The following CD9 variants were observed in gnomAD, a reference collection of about 807,000 sequenced individuals.
CD9 encodes the protein CD9 antigen.
In CD9, 10 loss-of-function variants were observed where a neutral mutation model predicts 31.4. The observed-to-expected ratio is 0.32, with a 90% CI of 0.20 to 0.54. CD9 has a LOEUF of 0.54. Among genes scored for constraint, CD9 ranks in the 20% least tolerant of loss-of-function variants. The pLI, the probability that CD9 is intolerant of heterozygous loss-of-function variation, is 0.94. For synonymous variants in CD9, 113 were observed against 114.1 expected, an observed-to-expected ratio of 0.99 and a Z score of 0.06; for missense variants, 259 against 300.1, an observed-to-expected ratio of 0.86 and a Z score of 1.01.
At chr12:6,225,572 G>A (rs761057295) in intron 2 of CD9, 38 bp downstream of exon 2, 2 of 1,364,664 alleles carry the variant, frequency 1.5e-6, no homozygotes, top group South Asian at 2.3e-5. Flanking sequence ...TCAGACCCTG[G>A]CTCCAACAAA....
At chr12:6,234,114 TGA>T (rs1946486216) in intron 4 of CD9, among the ~76,000 whole-genome samples, 1 of 151,558 alleles carries the variant, frequency 6.6e-6, no homozygotes. Flanking sequence ...AAACCTTGAA[TGA>T]GAGATGCGTT....
chr12:6,231,166 A>G (rs1416059173), intron 2 of CD9, among the ~76,000 whole-genome samples: 4 of 152,196 alleles, frequency 2.6e-5, no homozygotes, highest in Non-Finnish European at 2.9e-5. Flanking sequence ...GGTCCCAGTG[A>G]AAGGACAGTA....
intron 1 of CD9, chr12:6,200,786 G>A (rs1293874961): frequency 4.5e-6 from 2 of 445,298 alleles, no homozygotes; most frequent in East Asian, 3.8e-5. Flanking sequence ...GCTCATCACC[G>A]CCCAGCCGGC....
intron 1 of CD9, among the ~76,000 whole-genome samples, chr12:6,220,502 T>G (rs544674101): frequency 6.6e-6 from 1 of 152,198 alleles, no homozygotes; most frequent in Non-Finnish European, 1.5e-5. Context: ...GAGAGCACCC[T>G]GAAGGAGCTG....
chr12:6,236,399 T>C, intron 7 of CD9, 124 bp downstream of exon 7: 1 of 800,100 alleles, frequency 1.2e-6, no homozygotes, highest in South Asian at 1.6e-5. Context: ...GTGCCCTTAG[T>C]ATTTCCATTT....
At chr12:6,204,926 T>TC (rs1253333709) in intron 1 of CD9, among the ~76,000 whole-genome samples, 1 of 152,140 alleles carries the variant, frequency 6.6e-6, no homozygotes, top group African/African-American at 2.4e-5. Flanking sequence ...AAACCCTGAC[T>TC]CCATTTCATG....
At chr12:6,236,531 T>G (rs1591983035) in intron 7 of CD9, 1 of 539,664 alleles carries the variant, frequency 1.9e-6, no homozygotes, top group Non-Finnish European at 3.3e-6. Context: ...GCCGTTAAGG[T>G]TCAGGGCACA....
chr12:6,235,139 TAGAG>T (rs954959104), intron 4 of CD9, 86 bp from the exon 5 acceptor site: 3 of 969,464 alleles, frequency 3.1e-6, no homozygotes, highest in Non-Finnish European at 3.2e-6. Flanking sequence ...GCTGAGAGCT[TAGAG>T]AGAACAAGAT....
chr12:6,225,262 GAATC>G (rs1946348429), intron 1 of CD9, 160 bp from the exon 2 acceptor site: 1 of 597,752 alleles, frequency 1.7e-6, no homozygotes, highest in Non-Finnish European at 3.0e-6. Flanking sequence ...GTACCTGCAT[GAATC>G]AAACACACCC....
intron 1 of CD9, among the ~76,000 whole-genome samples, chr12:6,201,317 AGAG>A (rs1416164208): frequency 6.6e-6 from 1 of 152,156 alleles, no homozygotes; most frequent in Non-Finnish European, 1.5e-5. Flanking sequence ...AGAGTTCGGG[AGAG>A]GAGGGGGCAG....
At chr12:6,231,116 G>C (rs112254222) in intron 2 of CD9, among the ~76,000 whole-genome samples, 1 of 152,124 alleles carries the variant, frequency 6.6e-6, no homozygotes, top group East Asian at 1.9e-4. Context: ...TTTCTCTCTC[G>C]CGTGCGTGTT....
intron 1 of CD9, among the ~76,000 whole-genome samples, chr12:6,211,071 T>G (rs1946189291): frequency 1.3e-5 from 2 of 151,974 alleles, no homozygotes; most frequent in Non-Finnish European, 2.9e-5. Context: ...CTCCTGACCT[T>G]GTGATCCTCC....
At position 6,223,564 on chromosome 12, in the gene CD9, C is replaced by G. The variant is rs11568237; in HGVS notation, c.67-1862C>G. 3.0e-3 allele frequency among the ~76,000 whole-genome samples: 461 copies of G among 151,908 alleles called. 2 individuals carry two copies. The highest frequency in any genetic ancestry group is 0.014 in the Middle Eastern group (4 of 294). Reference sequence around the variant, plus strand: ...GCGTGAGCCACTGCACCCAGCCCACCTTTGTACTTTTAATGCTCAGGGACC... The same window carrying G: ...GCGTGAGCCACTGCACCCAGCCCACGTTTGTACTTTTAATGCTCAGGGACC... On this transcript the variant is annotated intron_variant, in intron 1 of 7. Coordinates refer to ENST00000009180, the MANE Select transcript of CD9 (RefSeq NM_001769.4).
At chr12:6,237,434 A>C (rs1218094575) in intron 7 of CD9, among the ~76,000 whole-genome samples, 1 of 152,186 alleles carries the variant, frequency 6.6e-6, no homozygotes, top group Non-Finnish European at 1.5e-5. Flanking sequence ...ACAAATGCAA[A>C]AGTACTAACC....
At position 6,232,901 on chromosome 12, in the gene CD9, C is replaced by T. The variant is rs755388546; in HGVS notation, c.273+172C>T. On this transcript the variant is annotated intron_variant, in intron 3 of 7. Transcript: ENST00000009180. The surrounding 1 kb of genome is among the most constrained non-coding windows in gnomAD (Gnocchi z 4.8). ...CTCCCCGATGTGAGGCGTCGCCCCTCTTCCTTTCTGGAGCCTGTCTTATCG... is the reference window on the plus strand; with the variant it reads ...CTCCCCGATGTGAGGCGTCGCCCCTTTTCCTTTCTGGAGCCTGTCTTATCG... 1.3e-5 allele frequency: 9 copies of T among 703,602 alleles called. No homozygotes were observed. The South Asian group carries it at 1.3e-4, about 10-fold the overall frequency. 43.6% of individuals were successfully genotyped at this position (703,602 alleles called of 1,614,324 possible). A position where few individuals can be genotyped will look rare whatever the true frequency, so the allele number is the denominator to read the frequency against.
intron 2 of CD9, among the ~76,000 whole-genome samples, chr12:6,230,690 T>C (rs2268010): frequency 0.61 from 92,932 of 152,066 alleles, 29,814 homozygotes; most frequent in African/African-American, 0.82. Flanking sequence ...TACCCAGTGC[T>C]CCATGCATGG....
chr12:6,225,384 C>A, intron 1 of CD9, 42 bp from the exon 2 acceptor site: 1 of 1,355,506 alleles, frequency 7.4e-7, no homozygotes, highest in Non-Finnish European at 1.1e-6. Context: ...TGTGTTGTTG[C>A]TGGCAGCCAG....
At chr12:6,237,139 C>G (rs988133409) in intron 7 of CD9, among the ~76,000 whole-genome samples, 6 of 152,052 alleles carry the variant, frequency 3.9e-5, no homozygotes, top group Non-Finnish European at 8.8e-5. Context: ...GCCACCATGC[C>G]CAGCTGATTA....
intron 1 of CD9, among the ~76,000 whole-genome samples, chr12:6,219,576 C>G (rs767932390): frequency 3.9e-5 from 6 of 152,036 alleles, no homozygotes; most frequent in Non-Finnish European, 8.8e-5. Context: ...AGCTCCGCCT[C>G]CCGGGTTCAC....
Sources: gnomAD v4.1 joint callset for allele counts (sites outside exome capture counted in the v4.1 genomes callset) on GRCh38, gnomAD v4.1.1 for gene constraint, Gnocchi (gnomAD v3.1) non-coding constraint, MANE v1.5 for transcripts, NCBI Gene and HGNC (gene_info 2026-07-23, HGNC 2026-07-21) for gene names.